MED27: variants seen among roughly 807,000 people sequenced by gnomAD.
The protein encoded by MED27 is mediator complex subunit 27.
A neutral mutation model predicts 38.2 loss-of-function variants in MED27; 30 were observed. That is an observed-to-expected ratio of 0.79 (90% CI 0.59 to 1.07). MED27 has a LOEUF of 1.07. MED27 is among the 50% of genes least tolerant of loss of function. The pLI is 0.00. For missense variants in MED27, 289 were observed against 397.5 expected (o/e 0.73, Z 2.32); for synonymous variants, 122 against 153.5 (o/e 0.79, Z 1.52).
In MED27 at chr9:132,079,855, C is replaced by T. The variant is rs767999224; in HGVS notation, c.-11G>A. 3 of 1,569,776 alleles carry T rather than the reference C, an allele frequency of 1.9e-6. No homozygotes were observed. Among genetic ancestry groups the T allele is most frequent in the Non-Finnish European group, 2.6e-6 (3 of 1,156,304 alleles). On this transcript the variant is annotated 5_prime_UTR_variant, in exon 1 of 8. Transcript: ENST00000292035. Reference sequence around the variant, plus strand: ...TATCACGTCCGCCATGTTGCCGCCGCCACAGCAGCTCTCCAAAGCCGGCTT... The same window carrying T: ...TATCACGTCCGCCATGTTGCCGCCGTCACAGCAGCTCTCCAAAGCCGGCTT...
At chr9:131,956,782 T>C (rs1433771957) in intron 3 of MED27, among the ~76,000 whole-genome samples, 1 of 150,302 alleles carries the variant, frequency 6.7e-6, no homozygotes, top group African/African-American at 2.5e-5. Flanking sequence ...CCTCAATAAA[T>C]GCAGAAAAAA....
chr9:131,910,933 A>G (rs141212634), intron 4 of MED27, among the ~76,000 whole-genome samples: 210 of 152,118 alleles, frequency 1.4e-3, no homozygotes, highest in African/African-American at 4.8e-3. Context: ...ACCACCAGTT[A>G]CCTCATCTGC....
chr9:131,869,993 C>A (rs949151526), intron 6 of MED27, among the ~76,000 whole-genome samples: 1 of 152,162 alleles, frequency 6.6e-6, no homozygotes, highest in Non-Finnish European at 1.5e-5. Flanking sequence ...GGGACTCTTT[C>A]AAGAGACCTT....
Position 131,860,211 on chromosome 9 carries a change from C to T in MED27, c.*327G>A, listed in dbSNP as rs1371896411. 2 of 251,942 alleles carry T rather than the reference C, an allele frequency of 7.9e-6. No homozygotes were observed. The highest frequency in any genetic ancestry group is 1.5e-5 in the Non-Finnish European group (2 of 134,086). The allele number at this position is 251,942 out of a possible 1,614,324, so 15.6% of individuals were successfully genotyped here. On this transcript the variant is annotated 3_prime_UTR_variant, in exon 8 of 8. Coordinates refer to ENST00000292035, the MANE Select transcript of MED27 (RefSeq NM_004269.4). The surrounding 1 kb of genome is among the most constrained non-coding windows in gnomAD (Gnocchi z 5.8). ...ATGACGATACCCATGAACACAAGGG[C>T]TCATTCCAGTAACAGCTCGCGGAGA...
At chr9:132,019,927 T>C (rs756429063) in intron 2 of MED27, among the ~76,000 whole-genome samples, 4 of 152,232 alleles carry the variant, frequency 2.6e-5, no homozygotes, top group Non-Finnish European at 5.9e-5. Context: ...CTGCAGGCGC[T>C]GAGACGTTGC....
chr9:132,001,104 A>AG (rs1832223588), intron 3 of MED27, among the ~76,000 whole-genome samples: 1 of 152,024 alleles, frequency 6.6e-6, no homozygotes. Context: ...TGCCTCAAAG[A>AG]GAAAAAAAGA....
At chr9:131,873,087 C>T (rs1331646032) in intron 6 of MED27, among the ~76,000 whole-genome samples, 1 of 152,180 alleles carries the variant, frequency 6.6e-6, no homozygotes, top group Non-Finnish European at 1.5e-5. Context: ...GAGATCAGCC[C>T]AAGAGTTTGG....
chr9:132,041,557 G>T (rs1833212008), intron 2 of MED27, among the ~76,000 whole-genome samples: 1 of 152,240 alleles, frequency 6.6e-6, no homozygotes, highest in Non-Finnish European at 1.5e-5. Context: ...TTCCTGTCGG[G>T]CACTGCAAGC....
chr9:131,962,200 T>TA (rs1831230642), intron 3 of MED27, among the ~76,000 whole-genome samples: 1 of 152,222 alleles, frequency 6.6e-6, no homozygotes, highest in South Asian at 2.1e-4. Flanking sequence ...AGATTTAAGA[T>TA]ACTCTTACAG....
intron 6 of MED27, among the ~76,000 whole-genome samples, chr9:131,878,014 C>A (rs977077145): frequency 2.0e-5 from 3 of 152,034 alleles, no homozygotes; most frequent in African/African-American, 7.2e-5. Context: ...GTGGCTCATG[C>A]CTATAATCCC....
chr9:131,973,800 C>T (rs1037665373), intron 3 of MED27, among the ~76,000 whole-genome samples: 1 of 152,070 alleles, frequency 6.6e-6, no homozygotes, highest in Non-Finnish European at 1.5e-5. Flanking sequence ...CTCCACCTCC[C>T]GGGTTCACAC....
intron 2 of MED27, among the ~76,000 whole-genome samples, chr9:132,047,320 C>A (rs1833364416): frequency 6.6e-6 from 1 of 151,812 alleles, no homozygotes; most frequent in African/African-American, 2.4e-5. Context: ...GGAAGAGTAC[C>A]AAATACAGTT....
At chr9:131,890,303 C>G (rs1353104356) in intron 5 of MED27, among the ~76,000 whole-genome samples, 1 of 152,206 alleles carries the variant, frequency 6.6e-6, no homozygotes, top group African/African-American at 2.4e-5. Context: ...GCAATTTCCA[C>G]TTTTAGGGTC....
intron 2 of MED27, among the ~76,000 whole-genome samples, chr9:132,046,024 A>C (rs1833329398): frequency 1.3e-5 from 2 of 152,228 alleles, no homozygotes; most frequent in African/African-American, 4.8e-5. Context: ...GGTCCCTGGA[A>C]ATACAGAGCT....
chr9:132,002,276 G>A (rs1832253037), intron 3 of MED27, among the ~76,000 whole-genome samples: 1 of 152,214 alleles, frequency 6.6e-6, no homozygotes, highest in Non-Finnish European at 1.5e-5. Context: ...GTCTCCGCAA[G>A]CTAGAAATAA....
intron 3 of MED27, among the ~76,000 whole-genome samples, chr9:132,007,838 C>T (rs1249395460): frequency 1.3e-5 from 2 of 151,888 alleles, no homozygotes; most frequent in Non-Finnish European, 2.9e-5. Context: ...GAATAGCTCA[C>T]CCCCAGGGAC....
At chr9:131,990,580 C>T (rs750406695) in intron 3 of MED27, among the ~76,000 whole-genome samples, 2 of 152,240 alleles carry the variant, frequency 1.3e-5, no homozygotes, top group Non-Finnish European at 2.9e-5. Flanking sequence ...TTCAGAACCA[C>T]TGATCCAGTC....
rs558601367 is a variant in MED27 at position 131,925,573 on chromosome 9, T to C, written c.573+13808A>G. 1.2e-4 allele frequency among the ~76,000 whole-genome samples: 19 copies of C among 152,192 alleles called. No individual in the cohort carries two copies. In the South Asian group the frequency reaches 3.5e-3, roughly 28 times the overall value. On this transcript the variant is annotated intron_variant, in intron 4 of 7. Coordinates refer to ENST00000292035, the MANE Select transcript of MED27 (RefSeq NM_004269.4). ...AATAAGCTATAGCTAAACCAACAAA[T>C]TGAATGAAATTTAGTAAAAAACACA... is the stretch of plus-strand genomic sequence containing the variant.
chr9:131,987,715 C>T (rs988401056), intron 3 of MED27, among the ~76,000 whole-genome samples: 9 of 150,716 alleles, frequency 6.0e-5, no homozygotes, highest in African/African-American at 1.5e-4. Context: ...AATATTTTGA[C>T]GCAATAACAG....
Sources: allele counts gnomAD v4.1 joint callset (sites outside exome capture counted in the v4.1 genomes callset), GRCh38; gene constraint gnomAD v4.1.1; non-coding constraint Gnocchi (gnomAD v3.1); transcripts MANE v1.5; gene names NCBI Gene and HGNC (gene_info 2026-07-23, HGNC 2026-07-21).